The following SH2B2 variants were observed in gnomAD, a reference collection of about 807,000 sequenced individuals.
SH2B2 encodes SH2B adapter protein 2.
Under a neutral mutation model 35.7 loss-of-function variants are expected in SH2B2, and 37 were observed. The observed-to-expected ratio is 1.04, with a 90% CI of 0.80 to 1.36. The LOEUF (loss-of-function observed/expected upper bound fraction) is 1.36, where lower values mean the gene tolerates loss of function less well. Among genes scored for constraint, SH2B2 ranks in the 40% most tolerant of loss-of-function variants. SH2B2 has a pLI of 0.00. For missense variants in SH2B2, 852 were observed against 817.7 expected (o/e 1.04, Z -0.51); for synonymous variants, 383 against 376.4 (o/e 1.02, Z -0.20).
rs746707350 is a variant in SH2B2, at chr7:102,300,454, G to A, written c.-29-68G>A. On this transcript the variant is annotated intron_variant, in intron 1 of 8. Coordinates refer to ENST00000444095, the MANE Select transcript of SH2B2 (RefSeq NM_001359228.2). ...GCCCCAGAGAGTCCTAGGGGAGCTG[G>A]AAGGAGGGGACAGGTGGGCGCATTG... 755 of 1,458,412 alleles carry A rather than the reference G, an allele frequency of 5.2e-4. 1 individual carries two copies. The highest frequency in any genetic ancestry group is 6.4e-4 in the Non-Finnish European group (710 of 1,105,818). 90.3% of individuals were successfully genotyped at this position (1,458,412 alleles called of 1,614,324 possible).
chr7:102,306,578 T>C (rs1442914249), intron 2 of SH2B2, 143 bp from the exon 3 acceptor site: 2 of 647,494 alleles, frequency 3.1e-6, no homozygotes, highest in Non-Finnish European at 5.6e-6. Context: ...TCCCCCTCTG[T>C]GAAATGGGGA....
chr7:102,310,016 T>C (rs1793556427), intron 4 of SH2B2, among the ~76,000 whole-genome samples: 1 of 151,906 alleles, frequency 6.6e-6, no homozygotes, highest in South Asian at 2.1e-4. Context: ...TAAAAAATAA[T>C]AATAAAAATT....
At chr7:102,288,445 G>A (rs534683722) in intron 1 of SH2B2, among the ~76,000 whole-genome samples, 2 of 152,088 alleles carry the variant, frequency 1.3e-5, no homozygotes, top group South Asian at 2.1e-4. Context: ...GCCCCACCCC[G>A]TGGCAGGCCG....
intron 2 of SH2B2, among the ~76,000 whole-genome samples, chr7:102,302,469 C>T (rs754362697): frequency 1.3e-5 from 2 of 152,274 alleles, no homozygotes; most frequent in Non-Finnish European, 2.9e-5. Context: ...CCCTTCCCCT[C>T]TTAGGGGCTG....
rs917674922 is a variant in SH2B2, at chr7:102,312,932, T to C, written c.924-1404T>C. 5.2e-3 allele frequency among the ~76,000 whole-genome samples: 779 copies of C among 151,018 alleles called. 4 individuals are homozygous for C. The highest frequency in any genetic ancestry group is 0.011 in the Admixed American group (170 of 15,190). On this transcript the variant is annotated intron_variant, in intron 4 of 8. Coordinates refer to ENST00000444095, the MANE Select transcript of SH2B2 (RefSeq NM_001359228.2). ...ATCACCTGAGGTTGGGAGTTTGAGA[T>C]CAGCCTGGCCAACATGGAGAAACCC... is the stretch of plus-strand genomic sequence containing the variant.
chr7:102,289,016 C>T (rs1792569216), intron 1 of SH2B2, among the ~76,000 whole-genome samples: 1 of 152,200 alleles, frequency 6.6e-6, no homozygotes, highest in Non-Finnish European at 1.5e-5. Flanking sequence ...AGCCCTGGGG[C>T]CTGGGGAGGT....
chr7:102,285,804 G>A (rs572484795), upstream of SH2B2, among the ~76,000 whole-genome samples: 8 of 152,272 alleles, frequency 5.3e-5, no homozygotes, highest in East Asian at 7.7e-4. Flanking sequence ...CAAGGAGGGA[G>A]ATGAGGGGAG....
At chr7:102,319,634 C>T (rs1793979067) in intron 7 of SH2B2, among the ~76,000 whole-genome samples, 1 of 151,802 alleles carries the variant, frequency 6.6e-6, no homozygotes, top group Non-Finnish European at 1.5e-5. Context: ...TAGCTCCCCT[C>T]TTGCCCCACA....
rs1554558530 is a variant in SH2B2 at position 102,321,414 on chromosome 7, C to G, written c.1683C>G (p.Ser561=). 2 of 1,339,774 alleles carry G rather than the reference C, an allele frequency of 1.5e-6. No individual in the cohort carries two copies. The highest frequency in any genetic ancestry group is 3.5e-5 in the Admixed American group (1 of 28,582). 83.0% of individuals were successfully genotyped at this position (1,339,774 alleles called of 1,614,324 possible). ...CCGCCTGCCCGCCTGCCTCGCCCTC[C>G]GACGCCGCCGGCGCCTCCTCGTCTT... ...AAAACPPASP[S]DAAGASSSSA... is the part of the protein sequence containing the mutation. The change falls in exon 9 of 9, where the codon TCC becomes TCG. Residue 561 remains serine, a synonymous_variant. Coordinates refer to ENST00000444095, the MANE Select transcript of SH2B2 (RefSeq NM_001359228.2).
At chr7:102,309,349 C>T in intron 4 of SH2B2, 1 of 313,428 alleles carries the variant, frequency 3.2e-6, no homozygotes, top group Admixed American at 4.3e-5. Context: ...CTCTCTCTCT[C>T]TCTCTCTTTT....
chr7:102,316,987 ACTCC>A, intron 6 of SH2B2, 196 bp from the exon 7 acceptor site: 1 of 513,576 alleles, frequency 1.9e-6, no homozygotes, highest in Non-Finnish European at 3.5e-6. Context: ...GCAGCATTGC[ACTCC>A]AGCCTGGGCG....
Position 102,321,648 on chromosome 7 carries a change from G to A in SH2B2, c.*18G>A. On this transcript the variant is annotated 3_prime_UTR_variant, in exon 9 of 9. Transcript: ENST00000444095. ...TCTACTAGCCCGCGGCGCCGCCCGG[G>A]TGGGACACGCCAAGCTCTTCAGTGA... is the stretch of plus-strand genomic sequence containing the variant. 1 of 1,136,520 alleles carries A rather than the reference G, an allele frequency of 8.8e-7. No homozygotes were observed. Among genetic ancestry groups the A allele is most frequent in the Middle Eastern group, 2.9e-4 (1 of 3,436 alleles). 70.4% of individuals were successfully genotyped at this position (1,136,520 alleles called of 1,614,324 possible). A position where few individuals can be genotyped will look rare whatever the true frequency, so the allele number is the denominator to read the frequency against.
intron 2 of SH2B2, among the ~76,000 whole-genome samples, chr7:102,305,183 C>T (rs144917454): frequency 7.9e-5 from 12 of 152,350 alleles, no homozygotes; most frequent in African/African-American, 2.6e-4. Flanking sequence ...TCTGGAAGGT[C>T]GGGTCTGTAG....
At chr7:102,287,492 G>A (rs1338354239) in intron 1 of SH2B2, among the ~76,000 whole-genome samples, 8 of 152,200 alleles carry the variant, frequency 5.3e-5, no homozygotes, top group Admixed American at 2.6e-4. Context: ...AGCGCTGGGA[G>A]GGGGCGTCAA....
In SH2B2 at chr7:102,321,626, A is replaced by C. The variant is rs1423160517; in HGVS notation, c.1895A>C (p.Tyr632Ser). The change falls in exon 9 of 9, where the codon TAC becomes TCC. Residue 632 changes from tyrosine to serine, a missense_variant. This residue lies in a region of SH2B2 where 556 missense variants were observed against 514.5 expected (regional missense o/e 1.08). Coordinates refer to ENST00000444095, the MANE Select transcript of SH2B2 (RefSeq NM_001359228.2). ...ARAVENQYSF[Y>S] ...GCCGTGGAGAACCAGTACTCCTTCT[A>C]CTAGCCCGCGGCGCCGCCCGGGTGG... 9 of 1,138,306 alleles carry C rather than the reference A, an allele frequency of 7.9e-6. No homozygotes were observed. Among genetic ancestry groups the C allele is most frequent in the Admixed American group, 4.9e-5 (1 of 20,468 alleles). The allele number at this position is 1,138,306 out of a possible 1,614,324, so 70.5% of individuals were successfully genotyped here.
intron 1 of SH2B2, among the ~76,000 whole-genome samples, chr7:102,289,799 T>C (rs1792604811): frequency 6.9e-6 from 1 of 145,200 alleles, no homozygotes; most frequent in Admixed American, 7.0e-5. Context: ...TGGAAGGGGC[T>C]GAGTGTCTCA....
At chr7:102,296,006 C>T (rs1426014822) in intron 1 of SH2B2, among the ~76,000 whole-genome samples, 1 of 152,200 alleles carries the variant, frequency 6.6e-6, no homozygotes, top group African/African-American at 2.4e-5. Flanking sequence ...ATAACCACCT[C>T]TTGAAGGAAA....
At chr7:102,315,212 A>G (rs1383509311) in intron 6 of SH2B2, among the ~76,000 whole-genome samples, 1 of 151,458 alleles carries the variant, frequency 6.6e-6, no homozygotes, top group Non-Finnish European at 1.5e-5. Flanking sequence ...AGAAAAGAAA[A>G]TGCTCACAGG....
At chr7:102,308,742 C>T (rs1554555340) in intron 3 of SH2B2, 73 bp from the exon 4 acceptor site, 6 of 1,131,034 alleles carry the variant, frequency 5.3e-6, no homozygotes, top group Non-Finnish European at 6.7e-6. Flanking sequence ...TTGAGCCACT[C>T]TGACCCTATG....
Sources: gnomAD v4.1 joint callset for allele counts (sites outside exome capture counted in the v4.1 genomes callset) on GRCh38, gnomAD v4.1.1 for gene constraint, gnomAD v4.1.1 regional missense constraint, MANE v1.5 for transcripts, NCBI Gene and HGNC (gene_info 2026-07-23, HGNC 2026-07-21) for gene names.